The following PTPRN2 variants were observed in gnomAD, a reference collection of about 807,000 sequenced individuals.
PTPRN2 encodes the protein receptor-type tyrosine-protein phosphatase N2.
In PTPRN2, 74 loss-of-function variants were observed where a neutral mutation model predicts 118.8. The ratio of observed to expected loss-of-function variants is 0.62; its 90% CI spans 0.52 to 0.76. PTPRN2 has a LOEUF of 0.76. Among genes scored for constraint, PTPRN2 ranks in the 30% least tolerant of loss-of-function variants. PTPRN2 has a pLI of 0.00. For missense variants in PTPRN2, 1,481 were observed against 1,394.4 expected, an observed-to-expected ratio of 1.06 and a Z score of -0.99; for synonymous variants, 641 against 608.0, an observed-to-expected ratio of 1.05 and a Z score of -0.80.
chr7:158,444,499 A>C (rs1299272107), intron 2 of PTPRN2, among the ~76,000 whole-genome samples: 2 of 152,224 alleles, frequency 1.3e-5, no homozygotes, highest in African/African-American at 2.4e-5. Flanking sequence ...GGGGGCAGGA[A>C]TCTCTCTACC....
chr7:158,507,692 CG>C, intron 1 of PTPRN2, among the ~76,000 whole-genome samples: 1 of 147,350 alleles, frequency 6.8e-6, no homozygotes, highest in Admixed American at 6.7e-5. Context: ...CTGCGCTGGG[CG>C]GGAAATCACA....
chr7:157,908,515 T>C (rs901730631), intron 11 of PTPRN2, among the ~76,000 whole-genome samples: 16 of 152,240 alleles, frequency 1.1e-4, no homozygotes, highest in Non-Finnish European at 2.2e-4. Context: ...CTTGCGTTTC[T>C]TTGCACGTCG....
At chr7:158,300,421 T>C (rs1054294848) in intron 3 of PTPRN2, among the ~76,000 whole-genome samples, 1 of 152,194 alleles carries the variant, frequency 6.6e-6, no homozygotes, top group African/African-American at 2.4e-5. Context: ...ATTTCTCATT[T>C]GCTTTGACAC....
intron 1 of PTPRN2, among the ~76,000 whole-genome samples, chr7:158,518,205 C>T (rs754421872): frequency 6.0e-4 from 91 of 151,890 alleles, no homozygotes; most frequent in Non-Finnish European, 9.7e-4. Flanking sequence ...TTAATAGAGA[C>T]GATACGGATT....
At chr7:158,441,381 G>GGCA (rs1315218849) in intron 2 of PTPRN2, among the ~76,000 whole-genome samples, 10 of 150,026 alleles carry the variant, frequency 6.7e-5, no homozygotes, top group South Asian at 2.1e-4. Context: ...TGGCAGTGGT[G>GGCA]GTGGTGGTGA....
At chr7:158,270,925 C>CTGGGCCT (rs1798408394) in intron 3 of PTPRN2, among the ~76,000 whole-genome samples, 1 of 63,030 alleles carries the variant, frequency 1.6e-5, no homozygotes, top group Non-Finnish European at 3.3e-5. Flanking sequence ...CCTGGACCAC[C>CTGGGCCT]CCCCCCACCT....
At chr7:158,430,717 C>T (rs1233105531) in intron 2 of PTPRN2, among the ~76,000 whole-genome samples, 1 of 152,242 alleles carries the variant, frequency 6.6e-6, no homozygotes, top group Non-Finnish European at 1.5e-5. Flanking sequence ...GCAGCCCGGC[C>T]TGGATTTCCA....
chr7:158,123,183 C>G (rs1309505548), intron 9 of PTPRN2, among the ~76,000 whole-genome samples: 1 of 152,134 alleles, frequency 6.6e-6, no homozygotes, highest in Non-Finnish European at 1.5e-5. Flanking sequence ...TCTAGTTATC[C>G]CTGTTCATCA....
chr7:157,811,332 T>TATATATATATATA (rs1806024856), intron 12 of PTPRN2, among the ~76,000 whole-genome samples: 1 of 131,296 alleles, frequency 7.6e-6, no homozygotes, highest in Non-Finnish European at 1.6e-5. Context: ...ATCTACTCTA[T>TATATATATATATA]TATATATATA....
At chr7:158,146,876 A>G (rs1432485126) in intron 6 of PTPRN2, among the ~76,000 whole-genome samples, 2 of 152,016 alleles carry the variant, frequency 1.3e-5, no homozygotes, top group African/African-American at 4.8e-5. Flanking sequence ...CAAACAGTTT[A>G]CAGGGAAAAT....
rs143419355 is a variant in PTPRN2, at chr7:158,582,555, C to CA, written c.112+5002dup. ...GCAACATAGCAAGACCGTCCTCTCTCAAAAAAAAAAAAATTCATTTTTAAT... is the reference window on the plus strand; with the variant it reads ...GCAACATAGCAAGACCGTCCTCTCTCAAAAAAAAAAAAAATTCATTTTTAAT... On this transcript the variant is annotated intron_variant, in intron 1 of 22. Transcript: ENST00000389418. Among the ~76,000 whole-genome samples, 501 of 140,558 alleles carry CA rather than the reference C, an allele frequency of 3.6e-3. 1 individual carries two copies. The highest frequency in any genetic ancestry group is 4.4e-3 in the Admixed American group (62 of 14,034). The allele number at this position is 140,558 out of a possible 152,430, so 92.2% of individuals were successfully genotyped here.
intron 11 of PTPRN2, among the ~76,000 whole-genome samples, chr7:158,057,077 G>A (rs543512229): frequency 3.3e-5 from 5 of 152,326 alleles, no homozygotes; most frequent in East Asian, 1.9e-4. Flanking sequence ...TTGGCAACTC[G>A]GGGACGCTGC....
At chr7:157,541,004 A>G (rs1797987047) in intron 22 of PTPRN2, among the ~76,000 whole-genome samples, 1 of 152,246 alleles carries the variant, frequency 6.6e-6, no homozygotes, top group African/African-American at 2.4e-5. Flanking sequence ...GAGACACAAC[A>G]GTGACACATG....
intron 11 of PTPRN2, among the ~76,000 whole-genome samples, chr7:158,070,227 G>A (rs929900185): frequency 1.3e-5 from 2 of 152,202 alleles, no homozygotes; most frequent in African/African-American, 2.4e-5. Context: ...AGCTTCAGTA[G>A]GTAAGCAGCC....
intron 10 of PTPRN2, among the ~76,000 whole-genome samples, chr7:158,108,045 T>C (rs895732995): frequency 6.6e-6 from 1 of 150,712 alleles, no homozygotes; most frequent in Non-Finnish European, 1.5e-5. Flanking sequence ...AACATCTGCA[T>C]CTCAGCATAG....
Position 158,162,727 on chromosome 7 carries a change from C to T in PTPRN2, c.910+4204G>A, listed in dbSNP as rs79350926. ...TGCTTTAAAGCTCTTTGAAAGGAGA[C>T]CAGATGTGAATTATGAATAAGTGAA... On this transcript the variant is annotated intron_variant, in intron 6 of 22. Coordinates refer to ENST00000389418, the MANE Select transcript of PTPRN2 (RefSeq NM_002847.5). 5.5e-3 allele frequency among the ~76,000 whole-genome samples: 842 copies of T among 152,150 alleles called. 7 individuals carry two copies. Among genetic ancestry groups the T allele is most frequent in the African/African-American group, 0.019 (793 of 41,514 alleles).
intron 2 of PTPRN2, among the ~76,000 whole-genome samples, chr7:158,320,261 T>C (rs939141755): frequency 3.9e-5 from 6 of 152,104 alleles, no homozygotes; most frequent in East Asian, 3.8e-4. Context: ...AATTTTCCAC[T>C]TTTTTGGGTA....
At chr7:157,760,012 G>T (rs1169117690) in intron 12 of PTPRN2, among the ~76,000 whole-genome samples, 1 of 152,198 alleles carries the variant, frequency 6.6e-6, no homozygotes. Context: ...CTGTCAGGGG[G>T]ACCCACCCCT....
intron 13 of PTPRN2, among the ~76,000 whole-genome samples, chr7:157,664,310 A>G (rs2150762613): frequency 6.6e-6 from 1 of 152,350 alleles, no homozygotes; most frequent in East Asian, 1.9e-4. Flanking sequence ...ATCACACCAG[A>G]ACTGCCATCA....
Sources: allele counts gnomAD v4.1 joint callset (sites outside exome capture counted in the v4.1 genomes callset), GRCh38; gene constraint gnomAD v4.1.1; transcripts MANE v1.5; gene names NCBI Gene and HGNC (gene_info 2026-07-23, HGNC 2026-07-21).